Variants in SYBU observed in about 807,000 individuals in gnomAD.
SYBU encodes the protein GOLSYN A protein.
A neutral mutation model predicts 35.9 loss-of-function variants in SYBU; 21 were observed. That is an observed-to-expected ratio of 0.58 (90% CI 0.41 to 0.84). SYBU has a LOEUF of 0.84. Ranked by LOEUF, SYBU falls within the 40% of genes least tolerant of loss-of-function variation. SYBU has a pLI of 0.00. For synonymous variants in SYBU, 319 were observed against 324.3 expected (o/e 0.98, Z 0.18); for missense variants, 768 against 848.2 (o/e 0.91, Z 1.17).
At chr8:109,650,000 A>G (rs980706818) in intron 1 of SYBU, among the ~76,000 whole-genome samples, 3 of 152,240 alleles carry the variant, frequency 2.0e-5, no homozygotes, top group Non-Finnish European at 4.4e-5. Flanking sequence ...GCCTAAATCC[A>G]GTAGATGAAT....
chr8:109,655,977 G>T (rs1057060771), intron 1 of SYBU, among the ~76,000 whole-genome samples: 1 of 152,254 alleles, frequency 6.6e-6, no homozygotes, highest in East Asian at 1.9e-4. Context: ...TTAGCCAGGC[G>T]TGGTGACATG....
chr8:109,597,919 G>C (rs1825080160), intron 3 of SYBU, among the ~76,000 whole-genome samples: 1 of 152,198 alleles, frequency 6.6e-6, no homozygotes, highest in Non-Finnish European at 1.5e-5. Flanking sequence ...ACCATCCTCA[G>C]TGAGTCAGAA....
intron 2 of SYBU, among the ~76,000 whole-genome samples, chr8:109,619,834 CAGTGTGAAGT>C (rs1417164532): frequency 6.6e-6 from 1 of 152,168 alleles, no homozygotes; most frequent in Non-Finnish European, 1.5e-5. Flanking sequence ...TTCAAAGAAG[CAGTGTGAAGT>C]GATCCTGTTT....
intron 5 of SYBU, among the ~76,000 whole-genome samples, chr8:109,579,408 A>G (rs996671678): frequency 2.0e-5 from 3 of 152,202 alleles, no homozygotes; most frequent in Non-Finnish European, 4.4e-5. Flanking sequence ...TGCCTACAGA[A>G]TCATCTTAAG....
intron 1 of SYBU, among the ~76,000 whole-genome samples, chr8:109,653,210 C>G (rs978044872): frequency 2.0e-5 from 3 of 151,842 alleles, no homozygotes; most frequent in Admixed American, 6.6e-5. Flanking sequence ...AAATACTAAT[C>G]TTTATATTTT....
At chr8:109,672,392 A>G (rs1465159424) in intron 1 of SYBU, among the ~76,000 whole-genome samples, 1 of 152,206 alleles carries the variant, frequency 6.6e-6, no homozygotes, top group Non-Finnish European at 1.5e-5. Flanking sequence ...AAGCTAAAGC[A>G]AGGTGGAGCA....
At chr8:109,651,147 G>T (rs553901008) in intron 1 of SYBU, among the ~76,000 whole-genome samples, 133 of 152,306 alleles carry the variant, frequency 8.7e-4, no homozygotes, top group African/African-American at 3.1e-3. Flanking sequence ...TTTCAGGATG[G>T]CTTCCTAGAT....
At chr8:109,578,521 C>T (rs1297558045) in intron 5 of SYBU, among the ~76,000 whole-genome samples, 2 of 152,186 alleles carry the variant, frequency 1.3e-5, no homozygotes, top group African/African-American at 4.8e-5. Context: ...GACCTCACTT[C>T]AGAAGGTGAG....
At chr8:109,607,036 A>G (rs1826139276) in intron 3 of SYBU, among the ~76,000 whole-genome samples, 1 of 152,332 alleles carries the variant, frequency 6.6e-6, no homozygotes, top group South Asian at 2.1e-4. Flanking sequence ...ATTTTACACA[A>G]TTTTAAAGTT....
chr8:109,610,442 G>C (rs928278729), intron 3 of SYBU, among the ~76,000 whole-genome samples: 9 of 152,148 alleles, frequency 5.9e-5, no homozygotes, highest in African/African-American at 1.9e-4. Flanking sequence ...GTGAAATGAG[G>C]GTTCCCTTTC....
upstream of SYBU, chr8:109,646,275 T>G (rs755922078): frequency 6.6e-6 from 1 of 152,214 alleles, no homozygotes; most frequent in Non-Finnish European, 1.5e-5. Context: ...AGGACTGTGC[T>G]CCTCGAAAAC....
At chr8:109,651,274 C>CT (rs1305522224) in intron 1 of SYBU, among the ~76,000 whole-genome samples, 1 of 152,114 alleles carries the variant, frequency 6.6e-6, no homozygotes, top group African/African-American at 2.4e-5. Context: ...AGAAAAGTAC[C>CT]TGTGCCCCTT....
At chr8:109,668,723 T>C (rs1175173177) in intron 1 of SYBU, among the ~76,000 whole-genome samples, 2 of 152,196 alleles carry the variant, frequency 1.3e-5, no homozygotes, top group African/African-American at 2.4e-5. Context: ...TTTCAGAGCA[T>C]CTGAGGGTGA....
intron 3 of SYBU, among the ~76,000 whole-genome samples, chr8:109,591,309 G>T (rs1430967327): frequency 6.6e-6 from 1 of 152,110 alleles, no homozygotes; most frequent in Non-Finnish European, 1.5e-5. Context: ...TTTTTCTTGA[G>T]GGATAAAATG....
intron 1 of SYBU, among the ~76,000 whole-genome samples, chr8:109,656,137 C>T (rs745547445): frequency 2.0e-5 from 3 of 152,148 alleles, no homozygotes; most frequent in Middle Eastern, 3.4e-3. Context: ...AAATTACACA[C>T]CATCTAGGTA....
At chr8:109,600,297 G>C (rs537006862) in intron 3 of SYBU, among the ~76,000 whole-genome samples, 4 of 152,112 alleles carry the variant, frequency 2.6e-5, no homozygotes, top group Non-Finnish European at 5.9e-5. Flanking sequence ...CTTTAGGTTG[G>C]ATTGACAGAC....
chr8:109,673,587 A>G (rs1563775954), intron 1 of SYBU, among the ~76,000 whole-genome samples: 7 of 152,218 alleles, frequency 4.6e-5, no homozygotes, highest in Admixed American at 4.6e-4. Context: ...AAAAAGTGCA[A>G]AAAGGCTGAA....
chr8:109,578,046 C>G, intron 5 of SYBU, 29 bp from the exon 6 acceptor site: 1 of 1,589,592 alleles, frequency 6.3e-7, no homozygotes, highest in South Asian at 1.1e-5. Flanking sequence ...TGAAATGTTA[C>G]TTTTTGCCGT....
Position 109,586,115 on chromosome 8 carries a change from C to G in SYBU, c.475G>C (p.Ala159Pro). ...GCAGTCGACATATGGACCTCAGGAG[C>G]GGAAATGCTGCCTGTGCTGCTCGAG... Reference protein sequence around the residue: ...SSSSSTGSISAPEVHMSTAGS... With the variant: ...SSSSSTGSISPPEVHMSTAGS... The change falls in exon 4 of 7, where the codon GCT becomes CCT. Residue 159 changes from alanine (A) to proline (P), a missense_variant. Ala to Pro is a conservative substitution (Grantham distance 27, BLOSUM62 -1). Transcript: ENST00000276646. 1 of 1,611,794 alleles carries G rather than the reference C, an allele frequency of 6.2e-7. No individual in the cohort carries two copies. Among genetic ancestry groups the G allele is most frequent in the Non-Finnish European group, 8.5e-7 (1 of 1,179,232 alleles).
Sources: allele counts gnomAD v4.1 joint callset (sites outside exome capture counted in the v4.1 genomes callset), GRCh38; gene constraint gnomAD v4.1.1; transcripts MANE v1.5; gene names NCBI Gene and HGNC (gene_info 2026-07-23, HGNC 2026-07-21).